The following SH3PXD2A variants were observed in gnomAD, a reference collection of about 807,000 sequenced individuals.
SH3PXD2A encodes the protein SH3 and PX domain-containing protein 2A.
SH3PXD2A carries 32 observed loss-of-function variants against 115.2 expected under a neutral mutation model. That is an observed-to-expected ratio of 0.28 (90% CI 0.21 to 0.37). The LOEUF (loss-of-function observed/expected upper bound fraction) is 0.37. SH3PXD2A is among the 10% of genes least tolerant of loss of function. The pLI, the probability that SH3PXD2A is intolerant of heterozygous loss-of-function variation, is 1.00. For synonymous variants in SH3PXD2A, 610 were observed against 629.1 expected (o/e 0.97, Z 0.45); for missense variants, 1,328 against 1,498.7 (o/e 0.89, Z 1.88).
intron 1 of SH3PXD2A, among the ~76,000 whole-genome samples, chr10:103,847,203 T>C (rs1841129343): frequency 6.6e-6 from 1 of 152,176 alleles, no homozygotes; most frequent in Admixed American, 6.5e-5. Context: ...TGGAATGCAG[T>C]GGCATAATCA....
rs1383058272 is a variant in SH3PXD2A, at chr10:103,601,620, A to AC, written c.*195dup. The AC allele has an allele frequency of 1.8e-6, 1 of 545,472 alleles. No individual in the cohort carries two copies. The highest frequency in any genetic ancestry group is 3.3e-6 in the Non-Finnish European group (1 of 305,494). The allele number at this position is 545,472 out of a possible 1,614,324, so 33.8% of individuals were successfully genotyped here. On this transcript the variant is annotated 3_prime_UTR_variant, in exon 15 of 15. Transcript: ENST00000369774. ...ATTCCCTTCCTCACTCAGTGTGGGC[A>AC]CCCCCATCCCCTACCTTCCAGCTGT...
chr10:103,661,347 G>C (rs1439649360), intron 7 of SH3PXD2A, among the ~76,000 whole-genome samples: 4 of 152,254 alleles, frequency 2.6e-5, no homozygotes, highest in African/African-American at 9.6e-5. Context: ...GAGCCAGGGG[G>C]CCGGGGAGGG....
At chr10:103,663,397 G>A (rs2037340307) in intron 7 of SH3PXD2A, among the ~76,000 whole-genome samples, 1 of 152,266 alleles carries the variant, frequency 6.6e-6, no homozygotes. Context: ...GCTATGAAGA[G>A]CATCACATTC....
chr10:103,854,378 T>C (rs1313262338), intron 1 of SH3PXD2A, among the ~76,000 whole-genome samples: 1 of 151,848 alleles, frequency 6.6e-6, no homozygotes, highest in Admixed American at 6.6e-5. Flanking sequence ...TCCTAAGGTG[T>C]GAGGGATGGG....
intron 1 of SH3PXD2A, among the ~76,000 whole-genome samples, chr10:103,813,013 T>C (rs1387809870): frequency 6.6e-6 from 1 of 152,146 alleles, no homozygotes; most frequent in African/African-American, 2.4e-5. Context: ...GAATGTCTAT[T>C]GATAAAAAAA....
At chr10:103,855,034 C>T (rs1670309008) in intron 1 of SH3PXD2A, among the ~76,000 whole-genome samples, 161 bp downstream of exon 1, 1 of 151,974 alleles carries the variant, frequency 6.6e-6, no homozygotes, top group South Asian at 2.1e-4. Flanking sequence ...ACAGAAGAGG[C>T]TTCCCTGGAG....
chr10:103,837,083 C>T (rs148632207), intron 1 of SH3PXD2A, among the ~76,000 whole-genome samples: 29 of 152,332 alleles, frequency 1.9e-4, no homozygotes, highest in Non-Finnish European at 3.2e-4. Flanking sequence ...GCCCGCCTAT[C>T]GTGTTTGCAC....
chr10:103,735,633 C>T (rs2038370658), intron 4 of SH3PXD2A, 99 bp downstream of exon 4: 13 of 975,048 alleles, frequency 1.3e-5, no homozygotes, highest in Admixed American at 1.2e-4. Context: ...CGGTTCTGTA[C>T]AGCAACCTTT....
intron 11 of SH3PXD2A, among the ~76,000 whole-genome samples, chr10:103,615,652 G>A (rs1024111121): frequency 8.7e-5 from 13 of 149,488 alleles, no homozygotes; most frequent in African/African-American, 1.7e-4. Context: ...CTTTTCAGCC[G>A]GGTTTTCTCA....
intron 2 of SH3PXD2A, among the ~76,000 whole-genome samples, chr10:103,780,933 C>A (rs1419220839): frequency 6.6e-6 from 1 of 152,184 alleles, no homozygotes; most frequent in Non-Finnish European, 1.5e-5. Flanking sequence ...CTCTGCTCAA[C>A]TGACCTCTCT....
intron 2 of SH3PXD2A, among the ~76,000 whole-genome samples, chr10:103,787,580 G>C (rs1265801600): frequency 6.6e-6 from 1 of 152,128 alleles, no homozygotes; most frequent in Non-Finnish European, 1.5e-5. Flanking sequence ...GTGAAGCCCT[G>C]GGAAACCCAG....
At chr10:103,687,765 A>C (rs1385834165) in intron 6 of SH3PXD2A, among the ~76,000 whole-genome samples, 3 of 152,200 alleles carry the variant, frequency 2.0e-5, no homozygotes, top group Non-Finnish European at 4.4e-5. Context: ...GCAAGGCCCT[A>C]CATGGTGCTG....
chr10:103,722,885 C>T (rs2038199139), intron 5 of SH3PXD2A, among the ~76,000 whole-genome samples: 1 of 152,218 alleles, frequency 6.6e-6, no homozygotes, highest in South Asian at 2.1e-4. Flanking sequence ...AGGCAGCCAT[C>T]AGTGAAGATG....
Position 103,776,425 on chromosome 10 carries a change from CGTGTGTGTGTCTGTGTGTGTGTGT to C in SH3PXD2A, c.154-9280_154-9257del, listed in dbSNP as rs1369391800. 7.0e-4 allele frequency among the ~76,000 whole-genome samples: 78 copies of C among 112,104 alleles called. 1 individual carries two copies. The South Asian group carries it at 0.023, about 33-fold the overall frequency. The allele number at this position is 112,104 out of a possible 152,430, so 73.5% of individuals were successfully genotyped here. ...AAAAAAAAAAAAAAGTGTGTGCATG[CGTGTGTGTGTCTGTGTGTGTGTGT>C]GTGTGTGTGTGTGTGTGTGTGTATT... is the stretch of plus-strand genomic sequence containing the variant. On this transcript the variant is annotated intron_variant, in intron 2 of 14. Transcript: ENST00000369774.
chr10:103,703,059 G>C (rs1334780325), intron 5 of SH3PXD2A, among the ~76,000 whole-genome samples: 1 of 152,226 alleles, frequency 6.6e-6, no homozygotes, highest in African/African-American at 2.4e-5. Context: ...GTTTCGACCT[G>C]AGACTGGGAG....
rs550519068 is a variant in SH3PXD2A at position 103,662,069 on chromosome 10, C to T, written c.473-955G>A. The T allele has an allele frequency of 3.1e-5, 19 of 607,760 alleles. No individual in the cohort carries two copies. In the Admixed American group the frequency reaches 9.5e-4, roughly 30 times the overall value. 37.6% of individuals were successfully genotyped at this position (607,760 alleles called of 1,614,324 possible). Reference sequence around the variant, plus strand: ...GGCTGCAGAGACTGACTCAGTTTCTCTCTGCCTTTCAGTGCCGGGGCTTGT... The same window carrying T: ...GGCTGCAGAGACTGACTCAGTTTCTTTCTGCCTTTCAGTGCCGGGGCTTGT... On this transcript the variant is annotated intron_variant, in intron 7 of 14. Coordinates refer to ENST00000369774, the MANE Select transcript of SH3PXD2A (RefSeq NM_001394015.1).
intron 1 of SH3PXD2A, among the ~76,000 whole-genome samples, chr10:103,847,501 T>G (rs1842858247): frequency 6.6e-6 from 1 of 152,124 alleles, no homozygotes. Context: ...TTTTTTAATT[T>G]TTTTGTAGAG....
intron 5 of SH3PXD2A, among the ~76,000 whole-genome samples, chr10:103,703,135 T>C (rs540924550): frequency 1.1e-4 from 16 of 152,186 alleles, no homozygotes; most frequent in Non-Finnish European, 2.1e-4. Context: ...AGGCTGTGCT[T>C]GTTTCTGCCT....
At chr10:103,634,575 A>C (rs1472979488) in intron 8 of SH3PXD2A, among the ~76,000 whole-genome samples, 1 of 143,330 alleles carries the variant, frequency 7.0e-6, no homozygotes, top group African/African-American at 2.5e-5. Context: ...TGCATGCACG[A>C]GTATAAGGTG....
Sources: gnomAD v4.1 joint callset for allele counts (sites outside exome capture counted in the v4.1 genomes callset) on GRCh38, gnomAD v4.1.1 for gene constraint, MANE v1.5 for transcripts, NCBI Gene and HGNC (gene_info 2026-07-23, HGNC 2026-07-21) for gene names.